Variants in GAS7 observed in about 807,000 individuals in gnomAD.
GAS7 encodes growth arrest specific 7.
GAS7 carries 28 observed loss-of-function variants against 71.1 expected under a neutral mutation model. The observed-to-expected ratio is 0.39, with a 90% CI of 0.29 to 0.54. GAS7 has a LOEUF of 0.54. Among genes scored for constraint, GAS7 ranks in the 20% least tolerant of loss-of-function variants. The pLI is 0.62. For synonymous variants in GAS7, 258 were observed against 245.8 expected (o/e 1.05, Z -0.46); for missense variants, 436 against 627.8 (o/e 0.69, Z 3.27).
In GAS7 at chr17:10,168,257, AT is replaced by A. The variant is rs536293680; in HGVS notation, c.183+29950del. Among the ~76,000 whole-genome samples the A allele has an allele frequency of 2.8e-4, 43 of 152,360 alleles. No individual in the cohort carries two copies. In the South Asian group the frequency reaches 8.7e-3, roughly 31 times the overall value. On this transcript the variant is annotated intron_variant, in intron 1 of 13. Coordinates refer to ENST00000432992, the MANE Select transcript of GAS7 (RefSeq NM_201433.2). ...GATGTATATGTGCTAACAAAAAAAA[AT>A]AACTTCAAGATACATTATCAAGTGA...
chr17:10,060,692 G>A (rs951203201), intron 1 of GAS7, among the ~76,000 whole-genome samples: 5 of 152,332 alleles, frequency 3.3e-5, no homozygotes, highest in Admixed American at 2.6e-4. Context: ...ACAATACCAA[G>A]TGCCGACAAG....
At chr17:10,064,929 G>C (rs1463038538) in intron 1 of GAS7, among the ~76,000 whole-genome samples, 4 of 152,188 alleles carry the variant, frequency 2.6e-5, no homozygotes, top group African/African-American at 9.7e-5. Flanking sequence ...CTAGGCTCAA[G>C]TGATCCTCAG....
chr17:10,037,786 AT>A (rs2072783954), intron 1 of GAS7, among the ~76,000 whole-genome samples: 1 of 152,168 alleles, frequency 6.6e-6, no homozygotes. Context: ...GACGAAGTAA[AT>A]GCTCAATGAA....
chr17:10,058,687 T>C (rs2073181290), intron 1 of GAS7, among the ~76,000 whole-genome samples: 1 of 152,146 alleles, frequency 6.6e-6, no homozygotes, highest in Non-Finnish European at 1.5e-5. Flanking sequence ...GCCTTATAGT[T>C]TGCAACCCAC....
chr17:10,064,549 C>T (rs1276456644), intron 1 of GAS7, among the ~76,000 whole-genome samples: 1 of 152,222 alleles, frequency 6.6e-6, no homozygotes, highest in Non-Finnish European at 1.5e-5. Context: ...GGGCATATTA[C>T]CCATCTGGGG....
chr17:10,178,696 C>T (rs546008401), intron 1 of GAS7, among the ~76,000 whole-genome samples: 1 of 136,030 alleles, frequency 7.4e-6, no homozygotes, highest in East Asian at 2.1e-4. Context: ...CTCCCTCCCC[C>T]ACCACCTTTT....
intron 1 of GAS7, among the ~76,000 whole-genome samples, chr17:10,032,292 T>A (rs2072641751): frequency 6.6e-6 from 1 of 152,140 alleles, no homozygotes. Flanking sequence ...GGCTTTTGAT[T>A]AACAGAGACA....
At chr17:9,991,979 G>C (rs1179861934) in intron 2 of GAS7, among the ~76,000 whole-genome samples, 1 of 152,164 alleles carries the variant, frequency 6.6e-6, no homozygotes, top group Non-Finnish European at 1.5e-5. Flanking sequence ...TTACTCACCA[G>C]AACTACTGGA....
intron 1 of GAS7, among the ~76,000 whole-genome samples, chr17:10,029,252 T>G (rs2072549168): frequency 6.6e-6 from 1 of 152,168 alleles, no homozygotes; most frequent in African/African-American, 2.4e-5. Context: ...TCATTGTACT[T>G]CAAGGTAGCC....
intron 1 of GAS7, among the ~76,000 whole-genome samples, chr17:10,066,591 C>G (rs755349566): frequency 1.4e-4 from 22 of 152,222 alleles, no homozygotes; most frequent in Non-Finnish European, 2.8e-4. Context: ...TCACCTCAGC[C>G]TCCCAAAGCA....
chr17:10,160,940 A>G (rs1480130547), intron 1 of GAS7, among the ~76,000 whole-genome samples: 2 of 23,158 alleles, frequency 8.6e-5, no homozygotes, highest in Non-Finnish European at 1.6e-4. Context: ...TTGAAACCAT[A>G]CACACACACA....
At chr17:10,125,265 C>T (rs2073935689) in intron 1 of GAS7, among the ~76,000 whole-genome samples, 1 of 151,948 alleles carries the variant, frequency 6.6e-6, no homozygotes, top group South Asian at 2.1e-4. Flanking sequence ...TGCCTATGAT[C>T]CCAGCACTTT....
chr17:10,029,398 C>T (rs567929989), intron 1 of GAS7, among the ~76,000 whole-genome samples: 23 of 152,260 alleles, frequency 1.5e-4, no homozygotes, highest in African/African-American at 4.8e-4. Flanking sequence ...TGAAGAATGA[C>T]GAAATCACGG....
rs539092148 is a variant in GAS7 at position 9,913,835 on chromosome 17, T to C, written c.*3393A>G. 4 of 230,698 alleles carry C rather than the reference T, an allele frequency of 1.7e-5. No homozygotes were observed. The highest frequency in any genetic ancestry group is 4.5e-5 in the African/African-American group (2 of 44,942). The allele number at this position is 230,698 out of a possible 1,614,324, so 14.3% of individuals were successfully genotyped here. A position where few individuals can be genotyped will look rare whatever the true frequency, so the allele number is the denominator to read the frequency against. On this transcript the variant is annotated 3_prime_UTR_variant, in exon 14 of 14. Transcript: ENST00000432992. ...TGGAACACCATTTGGCTTAAGGAAT[T>C]TTTTTTTTCTTTTTAAATCAGGCTT...
At chr17:10,051,843 C>G (rs991478548) in intron 1 of GAS7, among the ~76,000 whole-genome samples, 1 of 152,126 alleles carries the variant, frequency 6.6e-6, no homozygotes, top group African/African-American at 2.4e-5. Flanking sequence ...GCAGGAAAAA[C>G]GGGTTAAGTT....
chr17:9,995,589 C>A (rs1339638399), intron 2 of GAS7, among the ~76,000 whole-genome samples: 2 of 150,284 alleles, frequency 1.3e-5, no homozygotes, highest in Non-Finnish European at 3.0e-5. Context: ...TGGAGAAATA[C>A]AAGTTAAGAC....
intron 1 of GAS7, among the ~76,000 whole-genome samples, chr17:10,109,229 TA>T (rs2073787521): frequency 1.3e-5 from 2 of 152,102 alleles, no homozygotes; most frequent in South Asian, 2.1e-4. Context: ...AACAGGCATA[TA>T]AAAAAATACC....
intron 1 of GAS7, among the ~76,000 whole-genome samples, chr17:10,139,447 G>A (rs1257523054): frequency 1.3e-5 from 2 of 152,152 alleles, no homozygotes; most frequent in Non-Finnish European, 2.9e-5. Context: ...CCAGGTCCAG[G>A]AGCAAAGTGA....
chr17:9,929,837 T>C (rs1448906115), intron 9 of GAS7, among the ~76,000 whole-genome samples: 1 of 152,176 alleles, frequency 6.6e-6, no homozygotes, highest in Non-Finnish European at 1.5e-5. Context: ...GCTGGTATCT[T>C]TAGTACCCAT....
Sources: gnomAD v4.1 joint callset for allele counts (sites outside exome capture counted in the v4.1 genomes callset) on GRCh38, gnomAD v4.1.1 for gene constraint, MANE v1.5 for transcripts, NCBI Gene and HGNC (gene_info 2026-07-23, HGNC 2026-07-21) for gene names.